FOXP1: variants seen among roughly 807,000 people sequenced by gnomAD.
The protein encoded by FOXP1 is forkhead box P1, also known as forkhead box protein P1.
In FOXP1, 15 loss-of-function variants were observed where a neutral mutation model predicts 98.2. The observed-to-expected ratio is 0.15, with a 90% CI of 0.10 to 0.24. The LOEUF is 0.24. Ranked by LOEUF, FOXP1 falls within the 10% of genes least tolerant of loss-of-function variation. The probability of loss-of-function intolerance (pLI) is 1.00; values close to 1 mark genes in which losing one functional copy is unlikely to be tolerated. For synonymous variants in FOXP1, 371 were observed against 314.5 expected (o/e 1.18, Z -1.90); for missense variants, 633 against 848.5 (o/e 0.75, Z 3.15).
chr3:71,538,813 T>C (rs1406589759), intron 2 of FOXP1, among the ~76,000 whole-genome samples: 3 of 152,262 alleles, frequency 2.0e-5, no homozygotes, highest in Non-Finnish European at 4.4e-5. Context: ...GAGTTTTCTA[T>C]ATTTAGGTCT....
intron 2 of FOXP1, among the ~76,000 whole-genome samples, chr3:71,577,609 A>G (rs761379149): frequency 9.9e-5 from 15 of 152,182 alleles, no homozygotes; most frequent in Non-Finnish European, 2.1e-4. Context: ...TTGAAAAATC[A>G]GTTTAAGATG....
At chr3:71,005,518 T>C (rs374821697) in intron 12 of FOXP1, among the ~76,000 whole-genome samples, 88 of 151,998 alleles carry the variant, frequency 5.8e-4, no homozygotes, top group Non-Finnish European at 1.0e-3. Context: ...TTGGGGGAAA[T>C]GTATATCACC....
intron 3 of FOXP1, among the ~76,000 whole-genome samples, chr3:71,477,801 G>A (rs1177947199): frequency 1.3e-5 from 2 of 152,164 alleles, no homozygotes; most frequent in Non-Finnish European, 2.9e-5. Flanking sequence ...TAATATTGAA[G>A]ATTTGTATGC....
intron 5 of FOXP1, among the ~76,000 whole-genome samples, chr3:71,235,001 C>T (rs1010948848): frequency 3.9e-5 from 6 of 152,170 alleles, no homozygotes; most frequent in Non-Finnish European, 8.8e-5. Flanking sequence ...TACCCTGTCC[C>T]TTGACTTCTG....
intron 3 of FOXP1, among the ~76,000 whole-genome samples, chr3:71,381,278 G>A (rs2080148520): frequency 6.6e-6 from 1 of 151,080 alleles, no homozygotes; most frequent in Non-Finnish European, 1.5e-5. Context: ...AGCCTCCCCA[G>A]TAGCTGGAAC....
chr3:71,206,836 G>A (rs572548895), intron 5 of FOXP1, among the ~76,000 whole-genome samples: 4 of 152,190 alleles, frequency 2.6e-5, no homozygotes, highest in South Asian at 2.1e-4. Context: ...GTCTTGGTTC[G>A]CTTCTTTCCT....
intron 2 of FOXP1, among the ~76,000 whole-genome samples, chr3:71,578,746 G>C (rs1333449514): frequency 6.6e-6 from 1 of 152,136 alleles, no homozygotes; most frequent in Non-Finnish European, 1.5e-5. Flanking sequence ...GCTGAAAACA[G>C]ACATACCCTT....
At chr3:71,551,639 A>G (rs1316023103) in intron 2 of FOXP1, among the ~76,000 whole-genome samples, 3 of 152,210 alleles carry the variant, frequency 2.0e-5, no homozygotes, top group African/African-American at 7.2e-5. Context: ...TTTAAATGGA[A>G]CTTTGCATTT....
chr3:71,551,988 A>G (rs1278070912), intron 2 of FOXP1, among the ~76,000 whole-genome samples: 2 of 152,198 alleles, frequency 1.3e-5, no homozygotes, highest in Non-Finnish European at 2.9e-5. Flanking sequence ...ATTTTCTGCA[A>G]CAATATTCAA....
At chr3:71,405,016 C>A (rs2082219092) in intron 3 of FOXP1, among the ~76,000 whole-genome samples, 1 of 152,216 alleles carries the variant, frequency 6.6e-6, no homozygotes, top group South Asian at 2.1e-4. Context: ...ACTGACACTG[C>A]TAATGGTTTG....
At chr3:71,084,512 T>C (rs2054806591) in intron 7 of FOXP1, among the ~76,000 whole-genome samples, 1 of 152,222 alleles carries the variant, frequency 6.6e-6, no homozygotes, top group Non-Finnish European at 1.5e-5. Context: ...TGGTAATAAA[T>C]GATTTAAAGG....
intron 2 of FOXP1, among the ~76,000 whole-genome samples, chr3:71,566,766 C>T (rs1279730561): frequency 6.6e-6 from 1 of 152,194 alleles, no homozygotes; most frequent in Non-Finnish European, 1.5e-5. Context: ...GAGCACCCTC[C>T]TGAAGGCGCT....
intron 5 of FOXP1, among the ~76,000 whole-genome samples, chr3:71,239,704 C>T (rs1469490303): frequency 6.6e-6 from 1 of 152,088 alleles, no homozygotes; most frequent in Non-Finnish European, 1.5e-5. Context: ...CATGTAAAAG[C>T]AGGAAAAAGA....
In FOXP1 at chr3:71,145,755, C is replaced by A. The variant is rs146759417; in HGVS notation, c.181-33118G>T. On this transcript the variant is annotated intron_variant, in intron 6 of 20. Coordinates refer to ENST00000649528, the MANE Select transcript of FOXP1 (RefSeq NM_001349338.3). ...TCCCTTTCCCTATAATTTTAAGTTG[C>A]ATTTCCCTAATGTCTAATGATGTGG... 1.5e-3 allele frequency among the ~76,000 whole-genome samples: 227 copies of A among 152,214 alleles called. 1 individual carries two copies. The highest frequency in any genetic ancestry group is 5.2e-3 in the African/African-American group (215 of 41,518).
In FOXP1 at chr3:71,268,090, C is replaced by CCTTT. The variant is rs1553808991; in HGVS notation, c.-12+31729_-12+31730insAAAG. Among the ~76,000 whole-genome samples, 99 of 100,386 alleles carry CCTTT rather than the reference C, an allele frequency of 9.9e-4. 3 individuals carry two copies. The highest frequency in any genetic ancestry group is 2.6e-3 in the East Asian group (8 of 3,072). The allele number at this position is 100,386 out of a possible 152,430, so 65.9% of individuals were successfully genotyped here. ...CAGCTTCTTTTTTTTCTTTTCTTTT[C>CCTTT]TTTTTTTTTTTTTTTTTTGAGACAG... On this transcript the variant is annotated intron_variant, in intron 5 of 20. Transcript: ENST00000649528.
intron 5 of FOXP1, among the ~76,000 whole-genome samples, chr3:71,232,943 A>G (rs1174726947): frequency 7.0e-6 from 1 of 142,758 alleles, no homozygotes; most frequent in East Asian, 2.0e-4. Context: ...CAATACTACT[A>G]CCACCACCAC....
At chr3:71,126,399 G>T (rs2059178587) in intron 6 of FOXP1, among the ~76,000 whole-genome samples, 1 of 152,106 alleles carries the variant, frequency 6.6e-6, no homozygotes, top group Non-Finnish European at 1.5e-5. Flanking sequence ...TAGGGCCAGA[G>T]AATGGCGTGA....
chr3:71,172,706 G>T (rs1017154906), intron 6 of FOXP1, among the ~76,000 whole-genome samples: 3 of 152,122 alleles, frequency 2.0e-5, no homozygotes, highest in African/African-American at 7.2e-5. Flanking sequence ...TCAAAATGAG[G>T]ATTTCCTTCT....
chr3:70,992,459 G>A (rs1371164147), intron 13 of FOXP1, among the ~76,000 whole-genome samples: 1 of 152,184 alleles, frequency 6.6e-6, no homozygotes, highest in Non-Finnish European at 1.5e-5. Flanking sequence ...ACTAGAAGGA[G>A]CAGAACTCAA....
Sources: gnomAD v4.1 joint callset for allele counts (sites outside exome capture counted in the v4.1 genomes callset) on GRCh38, gnomAD v4.1.1 for gene constraint, MANE v1.5 for transcripts, NCBI Gene and HGNC (gene_info 2026-07-23, HGNC 2026-07-21) for gene names.